The following RBFOX1 variants were observed in gnomAD, a reference collection of about 807,000 sequenced individuals.
RBFOX1 encodes RNA binding fox-1 homolog 1, also known as RNA binding protein fox-1 homolog 1.
In RBFOX1, 8 loss-of-function variants were observed where a neutral mutation model predicts 57.7. That is an observed-to-expected ratio of 0.14 (90% CI 0.08 to 0.25). The LOEUF (loss-of-function observed/expected upper bound fraction) is 0.25, where lower values mean the gene tolerates loss of function less well. RBFOX1 is among the 10% of genes least tolerant of loss of function. The pLI, the probability that RBFOX1 is intolerant of heterozygous loss-of-function variation, is 1.00. For missense variants in RBFOX1, 611 were observed against 548.5 expected (o/e 1.11, Z -1.14); for synonymous variants, 326 against 222.4 (o/e 1.47, Z -4.15).
chr16:6,133,689 G>T (rs987818097), intron 1 of RBFOX1, among the ~76,000 whole-genome samples: 1 of 152,086 alleles, frequency 6.6e-6, no homozygotes, highest in Non-Finnish European at 1.5e-5. Flanking sequence ...CACATAGGAC[G>T]CCATCTCTGC....
Position 7,264,170 on chromosome 16 carries a change from A to G in RBFOX1, c.27+212072A>G, listed in dbSNP as rs148262732. ...ATAAACTGATGTGCTAGGCTCCTGGACTCCAGACCTCAAGCACTTAGCCAG... is the reference window on the plus strand; with the variant it reads ...ATAAACTGATGTGCTAGGCTCCTGGGCTCCAGACCTCAAGCACTTAGCCAG... On this transcript the variant is annotated intron_variant, in intron 4 of 15. Coordinates refer to ENST00000550418, the MANE Select transcript of RBFOX1 (RefSeq NM_018723.4). Among the ~76,000 whole-genome samples the G allele has an allele frequency of 5.3e-5, 8 of 152,260 alleles. No individual in the cohort carries two copies. In the East Asian group the frequency reaches 1.5e-3, roughly 29 times the overall value.
At chr16:6,550,867 C>G (rs941991374) in intron 2 of RBFOX1, among the ~76,000 whole-genome samples, 1 of 152,178 alleles carries the variant, frequency 6.6e-6, no homozygotes, top group African/African-American at 2.4e-5. Context: ...ATATTTAATT[C>G]TGGTGAGTTC....
chr16:7,289,489 A>G (rs1299804995), intron 4 of RBFOX1, among the ~76,000 whole-genome samples: 1 of 152,114 alleles, frequency 6.6e-6, no homozygotes, highest in Non-Finnish European at 1.5e-5. Context: ...TATGATTATC[A>G]TCATCGTTAT....
intron 3 of RBFOX1, among the ~76,000 whole-genome samples, chr16:5,656,288 T>C (rs1352338239): frequency 6.6e-6 from 1 of 152,192 alleles, no homozygotes; most frequent in Admixed American, 6.5e-5. Context: ...AAAAAAGTAA[T>C]GTCTCTCAGC....
chr16:6,723,473 T>C (rs2066456992), intron 3 of RBFOX1, among the ~76,000 whole-genome samples: 1 of 152,178 alleles, frequency 6.6e-6, no homozygotes, highest in South Asian at 2.1e-4. Flanking sequence ...TGTATTATAG[T>C]TTTGATCTGG....
rs187074791 is a variant in RBFOX1 at position 7,475,731 on chromosome 16, T to C, written c.28-42416T>C. Among the ~76,000 whole-genome samples the C allele has an allele frequency of 2.5e-3, 388 of 152,342 alleles. 2 individuals carry two copies. The highest frequency in any genetic ancestry group is 8.4e-3 in the African/African-American group (349 of 41,578). ...ATGGCCTCGGACAAGTTATTGAACC[T>C]ATCTGGGCCTCAGATTCCCCATATG... is the stretch of plus-strand genomic sequence containing the variant. On this transcript the variant is annotated intron_variant, in intron 4 of 15. Coordinates refer to ENST00000550418, the MANE Select transcript of RBFOX1 (RefSeq NM_018723.4).
intron 3 of RBFOX1, among the ~76,000 whole-genome samples, chr16:6,897,757 C>A (rs555198423): frequency 2.0e-5 from 3 of 152,292 alleles, no homozygotes; most frequent in South Asian, 2.1e-4. Context: ...CATGCTGTTA[C>A]ACTCCAGCCT....
chr16:5,569,310 TTG>T (rs2046186614), intron 2 of RBFOX1, among the ~76,000 whole-genome samples: 1 of 152,068 alleles, frequency 6.6e-6, no homozygotes, highest in African/African-American at 2.4e-5. Flanking sequence ...AATTTGAAGC[TTG>T]GTTCTGATTT....
chr16:7,411,176 C>T (rs535474082), intron 4 of RBFOX1, among the ~76,000 whole-genome samples: 9 of 152,124 alleles, frequency 5.9e-5, no homozygotes, highest in Admixed American at 5.9e-4. Context: ...GAACTCTTGA[C>T]CTCAGGTGAT....
chr16:6,231,405 C>A (rs1425653205), intron 1 of RBFOX1, among the ~76,000 whole-genome samples: 1 of 152,088 alleles, frequency 6.6e-6, no homozygotes, highest in South Asian at 2.1e-4. Flanking sequence ...CCCAAAGAAT[C>A]CCATAAACAT....
chr16:6,386,071 G>A (rs1021080568), intron 2 of RBFOX1, among the ~76,000 whole-genome samples: 1 of 152,158 alleles, frequency 6.6e-6, no homozygotes, highest in East Asian at 1.9e-4. Flanking sequence ...CAGTAGGTGG[G>A]ACTACAGGCG....
At chr16:6,997,019 T>A (rs1568288715) in intron 3 of RBFOX1, among the ~76,000 whole-genome samples, 2 of 152,314 alleles carry the variant, frequency 1.3e-5, no homozygotes, top group East Asian at 1.9e-4. Flanking sequence ...TATGTATATA[T>A]GTTTATATTT....
intron 3 of RBFOX1, among the ~76,000 whole-genome samples, chr16:6,738,320 G>A (rs1171159969): frequency 6.6e-6 from 1 of 152,100 alleles, no homozygotes; most frequent in Non-Finnish European, 1.5e-5. Flanking sequence ...GAACTGAGAT[G>A]AAGCCTGGAG....
At chr16:5,506,397 AC>A (rs1403488185) in intron 2 of RBFOX1, among the ~76,000 whole-genome samples, 4 of 152,074 alleles carry the variant, frequency 2.6e-5, no homozygotes, top group Non-Finnish European at 5.9e-5. Flanking sequence ...TGGACTCTAA[AC>A]CCCAATCCTT....
intron 2 of RBFOX1, among the ~76,000 whole-genome samples, chr16:5,534,662 C>G (rs547733609): frequency 5.3e-5 from 8 of 152,142 alleles, no homozygotes; most frequent in Non-Finnish European, 1.0e-4. Flanking sequence ...AGATGGTGCC[C>G]ACTCACACTG....
At chr16:6,235,558 ATGTGTGTGTGTGTGTGTG>A (rs3064942) in intron 1 of RBFOX1, among the ~76,000 whole-genome samples, 3 of 147,164 alleles carry the variant, frequency 2.0e-5, no homozygotes, top group Non-Finnish European at 4.5e-5. Context: ...GCGTGTATGT[ATGTGTGTGTGTGTGTGTG>A]TGTGTGTGTG....
intron 2 of RBFOX1, among the ~76,000 whole-genome samples, chr16:6,392,844 A>G: frequency 6.6e-6 from 1 of 152,246 alleles, no homozygotes; most frequent in East Asian, 1.9e-4. Flanking sequence ...AAATATATGC[A>G]CAACTGAAGT....
intron 2 of RBFOX1, among the ~76,000 whole-genome samples, chr16:6,452,825 A>C (rs2094665418): frequency 6.6e-6 from 1 of 152,172 alleles, no homozygotes; most frequent in Non-Finnish European, 1.5e-5. Flanking sequence ...CATCCACAAA[A>C]TGAGGAAAAT....
chr16:6,035,866 A>AT (rs2095358845), intron 1 of RBFOX1, among the ~76,000 whole-genome samples: 1 of 152,168 alleles, frequency 6.6e-6, no homozygotes, highest in Non-Finnish European at 1.5e-5. Context: ...GTATTAGCTT[A>AT]TTTTTCAGTT....
Sources: gnomAD v4.1 joint callset for allele counts (sites outside exome capture counted in the v4.1 genomes callset) on GRCh38, gnomAD v4.1.1 for gene constraint, MANE v1.5 for transcripts, NCBI Gene and HGNC (gene_info 2026-07-23, HGNC 2026-07-21) for gene names.